The following ANKRD12 variants were observed in gnomAD, a reference collection of about 807,000 sequenced individuals.
ANKRD12 encodes the protein ankyrin repeat domain 12.
ANKRD12 carries 85 observed loss-of-function variants against 183.4 expected under a neutral mutation model. The ratio of observed to expected loss-of-function variants is 0.46; its 90% CI spans 0.39 to 0.56. The LOEUF is 0.56. ANKRD12 is among the 20% of genes least tolerant of loss of function. The probability of loss-of-function intolerance (pLI) is 0.00; values close to 1 mark genes in which losing one functional copy is unlikely to be tolerated. For synonymous variants in ANKRD12, 914 were observed against 800.2 expected (o/e 1.14, Z -2.40); for missense variants, 2,405 against 2,357.1 (o/e 1.02, Z -0.42).
intron 3 of ANKRD12, 74 bp from the exon 4 acceptor site, chr18:9,204,402 A>G: frequency 4.6e-6 from 5 of 1,078,574 alleles, no homozygotes; most frequent in Non-Finnish European, 6.9e-6. Context: ...TCTTTTGAAA[A>G]ATGTTGGTTT....
rs1245402510 is a variant in ANKRD12 at position 9,281,603 on chromosome 18, T to G, written c.*477T>G. The G allele has an allele frequency of 2.0e-5, 3 of 152,732 alleles. No individual in the cohort carries two copies. The highest frequency in any genetic ancestry group is 2.9e-5 in the Non-Finnish European group (2 of 68,080). 9.5% of individuals were successfully genotyped at this position (152,732 alleles called of 1,614,324 possible). On this transcript the variant is annotated 3_prime_UTR_variant, in exon 13 of 13. Coordinates refer to ENST00000262126, the MANE Select transcript of ANKRD12 (RefSeq NM_015208.5). Reference sequence around the variant, plus strand: ...TTATTATCTGTAAATTGTACAGTTTTCTTTTTGAAAGTTTTAATATTGTCT... The same window carrying G: ...TTATTATCTGTAAATTGTACAGTTTGCTTTTTGAAAGTTTTAATATTGTCT...
At chr18:9,277,442 C>T (rs1333142111) in intron 11 of ANKRD12, among the ~76,000 whole-genome samples, 4 of 151,282 alleles carry the variant, frequency 2.6e-5, no homozygotes, top group African/African-American at 9.7e-5. Flanking sequence ...ATTCTCCTGC[C>T]TCAGCCTCCC....
At chr18:9,239,874 G>A (rs1365891195) in intron 8 of ANKRD12, among the ~76,000 whole-genome samples, 4 of 152,248 alleles carry the variant, frequency 2.6e-5, no homozygotes, top group South Asian at 2.1e-4. Flanking sequence ...TATCATGTAC[G>A]TAGCATTCTA....
At chr18:9,201,236 C>A (rs552085120) in intron 3 of ANKRD12, among the ~76,000 whole-genome samples, 2 of 152,300 alleles carry the variant, frequency 1.3e-5, no homozygotes, top group East Asian at 3.9e-4. Context: ...CTTTTGTTAT[C>A]TTTAATAATT....
intron 1 of ANKRD12, among the ~76,000 whole-genome samples, chr18:9,161,270 G>C (rs1394883335): frequency 6.6e-6 from 1 of 152,058 alleles, no homozygotes; most frequent in Admixed American, 6.5e-5. Flanking sequence ...GTAAAACTAA[G>C]TATATCTGAA....
rs186951517 is a variant in ANKRD12, at chr18:9,167,490, G to A, written c.-51-14892G>A. Among the ~76,000 whole-genome samples the A allele has an allele frequency of 2.1e-3, 326 of 152,266 alleles. 1 individual carries two copies. Among genetic ancestry groups the A allele is most frequent in the Admixed American group, 4.7e-3 (72 of 15,296 alleles). ...TTCTCTTTGAAGCAATTGTGAATGG[G>A]AGTTCACTCATGATTTGGCTCTCTG... is the stretch of plus-strand genomic sequence containing the variant. On this transcript the variant is annotated intron_variant, in intron 1 of 12. Coordinates refer to ENST00000262126, the MANE Select transcript of ANKRD12 (RefSeq NM_015208.5).
chr18:9,137,489 C>G (rs2078152764), intron 1 of ANKRD12: 1 of 145,696 alleles, frequency 6.9e-6, no homozygotes, highest in Admixed American at 6.8e-5. Context: ...CCCGCGGGGG[C>G]GGGGGCGCGC....
intron 8 of ANKRD12, among the ~76,000 whole-genome samples, chr18:9,235,385 C>CT (rs2037285750): frequency 6.6e-6 from 1 of 152,110 alleles, no homozygotes; most frequent in Admixed American, 6.5e-5. Flanking sequence ...TATATGAACT[C>CT]TGTCACTGGA....
intron 3 of ANKRD12, among the ~76,000 whole-genome samples, chr18:9,198,483 G>A (rs990085989): frequency 5.3e-5 from 8 of 152,102 alleles, no homozygotes; most frequent in South Asian, 2.1e-4. Context: ...AGGTAAATAG[G>A]ACAGTGTATA....
chr18:9,275,896 G>A (rs2039810298), intron 11 of ANKRD12, among the ~76,000 whole-genome samples: 1 of 152,172 alleles, frequency 6.6e-6, no homozygotes, highest in Non-Finnish European at 1.5e-5. Flanking sequence ...CAAAACACCT[G>A]TACATTTAGG....
At chr18:9,139,437 TA>T (rs1016294399) in intron 1 of ANKRD12, among the ~76,000 whole-genome samples, 5 of 151,512 alleles carry the variant, frequency 3.3e-5, no homozygotes, top group South Asian at 2.1e-4. Flanking sequence ...TTTTTATTCT[TA>T]AAAAAAAATA....
chr18:9,202,788 A>G (rs181105488), intron 3 of ANKRD12, among the ~76,000 whole-genome samples: 1 of 152,334 alleles, frequency 6.6e-6, no homozygotes, highest in East Asian at 1.9e-4. Context: ...GGAAATGTTA[A>G]TAGAAGCTTT....
chr18:9,185,005 C>T (rs1200408267), intron 2 of ANKRD12, among the ~76,000 whole-genome samples: 1 of 152,092 alleles, frequency 6.6e-6, no homozygotes, highest in Non-Finnish European at 1.5e-5. Context: ...ACAGGTTCAG[C>T]GATAGCCTAA....
rs2040181157 is a variant in ANKRD12, at chr18:9,284,499, A to G, written c.*3373A>G. 6.6e-6 allele frequency: 1 copy of G among 152,222 alleles called. No individual in the cohort carries two copies. Among genetic ancestry groups the G allele is most frequent in the Non-Finnish European group, 1.5e-5 (1 of 68,046 alleles). The allele number at this position is 152,222 out of a possible 1,614,324, so 9.4% of individuals were successfully genotyped here. ...AAATAGTCCTCTTTTTAAACAGTTT[A>G]AAGGAAGCATTTTCACCGTTTGTAA... On this transcript the variant is annotated 3_prime_UTR_variant, in exon 13 of 13. Coordinates refer to ENST00000262126, the MANE Select transcript of ANKRD12 (RefSeq NM_015208.5).
At chr18:9,170,532 C>T (rs1019585591) in intron 1 of ANKRD12, among the ~76,000 whole-genome samples, 3 of 152,204 alleles carry the variant, frequency 2.0e-5, no homozygotes, top group Admixed American at 2.0e-4. Context: ...CGTCATGTAG[C>T]TCTGGTGCCT....
chr18:9,165,214 C>T (rs186939178), intron 1 of ANKRD12, among the ~76,000 whole-genome samples: 40 of 152,144 alleles, frequency 2.6e-4, no homozygotes, highest in African/African-American at 6.0e-4. Context: ...ACTAGGATTG[C>T]GACTCCTGCT....
At chr18:9,153,869 T>A (rs1275690339) in intron 1 of ANKRD12, among the ~76,000 whole-genome samples, 1 of 152,192 alleles carries the variant, frequency 6.6e-6, no homozygotes, top group East Asian at 1.9e-4. Flanking sequence ...TTCTTTGGCT[T>A]ATCTATTATA....
intron 8 of ANKRD12, among the ~76,000 whole-genome samples, chr18:9,234,157 A>G (rs1341846509): frequency 6.6e-6 from 1 of 152,182 alleles, no homozygotes; most frequent in Admixed American, 6.5e-5. Context: ...CCCAGCACAA[A>G]GGCCATGCCA....
Position 9,204,515 on chromosome 18 carries a change from G to T in ANKRD12, c.275G>T (p.Arg92Ile). The part of the protein sequence containing the change: ...PGHTSENWGE[R>I]LISSYRTYSE... ...CATACAAGTGAAAATTGGGGGGAGA[G>T]ACTTATATCTTCTTACAGGACATAC... The change falls in exon 4 of 13, where the codon AGA becomes ATA. Residue 92 changes from arginine to isoleucine, a missense_variant. Arg to Ile is a moderately conservative substitution (Grantham distance 97). This residue lies in a region of ANKRD12 where 145 missense variants were observed against 145.6 expected (regional missense o/e 1.00). Transcript: ENST00000262126. 1 of 1,602,442 alleles carries T rather than the reference G, an allele frequency of 6.2e-7. No homozygotes were observed. Among genetic ancestry groups the T allele is most frequent in the Admixed American group, 1.7e-5 (1 of 59,008 alleles).
Sources: allele counts gnomAD v4.1 joint callset (sites outside exome capture counted in the v4.1 genomes callset), GRCh38; gene constraint gnomAD v4.1.1; regional missense constraint gnomAD v4.1.1; transcripts MANE v1.5; gene names NCBI Gene and HGNC (gene_info 2026-07-23, HGNC 2026-07-21).